The following FAM118A variants were observed in gnomAD, a reference collection of about 807,000 sequenced individuals.
The protein encoded by FAM118A is SIR2 antiphage like 2.
A neutral mutation model predicts 38.2 loss-of-function variants in FAM118A; 25 were observed. The ratio of observed to expected loss-of-function variants is 0.65; its 90% CI spans 0.48 to 0.91. FAM118A has a LOEUF of 0.91. FAM118A is among the 40% of genes least tolerant of loss of function. FAM118A has a pLI of 0.00. For synonymous variants in FAM118A, 178 were observed against 184.1 expected (o/e 0.97, Z 0.27); for missense variants, 425 against 463.3 (o/e 0.92, Z 0.76).
intron 7 of FAM118A, 130 bp downstream of exon 7, chr22:45,335,512 C>A: frequency 9.7e-7 from 1 of 1,034,840 alleles, no homozygotes; most frequent in South Asian, 1.5e-5. Flanking sequence ...AACAGCCCCA[C>A]TGAAGATGAT....
rs1371471395 is a variant in FAM118A, at chr22:45,327,848, G to A, written c.307G>A (p.Gly103Ser). Residue 103 changes from glycine (G) to serine (S), a missense_variant, in exon 4 of 9, where the codon GGC becomes AGC. Transcript: ENST00000441876. ...DLIRKMSPRTGDAKPSFFQDC... is the reference protein window; with the variant it reads ...DLIRKMSPRTSDAKPSFFQDC... ...TCGTTCCACCTTTTTGTAGCGCACAGGCGATGCCAAGCCCAGCTTCTTCCA... is the reference window on the plus strand; with the variant it reads ...TCGTTCCACCTTTTTGTAGCGCACAAGCGATGCCAAGCCCAGCTTCTTCCA... 6.2e-7 allele frequency: 1 copy of A among 1,614,212 alleles called. No homozygotes were observed. The highest frequency in any genetic ancestry group is 2.2e-5 in the East Asian group (1 of 44,892).
chr22:45,310,465 A>G (rs2084313498), intron 1 of FAM118A, among the ~76,000 whole-genome samples: 1 of 151,784 alleles, frequency 6.6e-6, no homozygotes, highest in African/African-American at 2.4e-5. Flanking sequence ...TTCCCTTGGG[A>G]CTTGCTTCCA....
intron 1 of FAM118A, among the ~76,000 whole-genome samples, chr22:45,312,244 G>A (rs748885118): frequency 6.6e-5 from 10 of 152,180 alleles, no homozygotes; most frequent in Non-Finnish European, 1.5e-4. Flanking sequence ...CCTGGAGATA[G>A]CATCAAATCT....
chr22:45,338,877 C>G (rs983090381), intron 8 of FAM118A, among the ~76,000 whole-genome samples: 7 of 152,164 alleles, frequency 4.6e-5, no homozygotes, highest in Admixed American at 2.6e-4. Flanking sequence ...TGCAATAGTC[C>G]ATGTTATAAA....
At chr22:45,328,741 G>C in intron 4 of FAM118A, 1 of 467,634 alleles carries the variant, frequency 2.1e-6, no homozygotes, top group South Asian at 2.7e-5. Context: ...TGAGATCACT[G>C]TACTCCAGCC....
chr22:45,309,501 G>A (rs1477889136), upstream of FAM118A: 1 of 152,438 alleles, frequency 6.6e-6, no homozygotes, highest in African/African-American at 2.4e-5. Flanking sequence ...TCAGGTCTGG[G>A]TTGGGGACAG....
chr22:45,326,871 TG>T (rs2085310720), intron 3 of FAM118A, among the ~76,000 whole-genome samples: 1 of 21,292 alleles, frequency 4.7e-5, no homozygotes, highest in Admixed American at 4.6e-4. Flanking sequence ...CTAGGTGTTA[TG>T]GTGTGTGTGC....
intron 8 of FAM118A, chr22:45,338,007 T>C: frequency 1.9e-6 from 1 of 518,022 alleles, no homozygotes; most frequent in Non-Finnish European, 2.5e-6. Flanking sequence ...TTTAGGATCC[T>C]CTTTTCCCTT....
At chr22:45,339,717 T>C (rs1254403884) in intron 8 of FAM118A, among the ~76,000 whole-genome samples, 1 of 152,230 alleles carries the variant, frequency 6.6e-6, no homozygotes, top group Non-Finnish European at 1.5e-5. Flanking sequence ...GCGATTATTC[T>C]CAATAGATTG....
intron 8 of FAM118A, chr22:45,337,929 GA>G: frequency 2.0e-6 from 2 of 982,608 alleles, no homozygotes; most frequent in Non-Finnish European, 1.2e-6. Context: ...GGTTTCCTAT[GA>G]AGAGGGTCTG....
chr22:45,310,595 C>G (rs1270026968), intron 1 of FAM118A, among the ~76,000 whole-genome samples: 1 of 152,146 alleles, frequency 6.6e-6, no homozygotes, highest in African/African-American at 2.4e-5. Context: ...GCTCCCTCTC[C>G]GACCTGATCT....
At chr22:45,320,410 C>G (rs767656963) in intron 1 of FAM118A, among the ~76,000 whole-genome samples, 13 of 139,638 alleles carry the variant, frequency 9.3e-5, no homozygotes, top group Non-Finnish European at 1.7e-4. Context: ...CGTAATTTTT[C>G]TTTTTCTTTT....
At chr22:45,326,481 A>G (rs2085273100) in intron 3 of FAM118A, among the ~76,000 whole-genome samples, 1 of 152,176 alleles carries the variant, frequency 6.6e-6, no homozygotes, top group African/African-American at 2.4e-5. Flanking sequence ...TGAGGGCAGG[A>G]GTTCAAGATA....
chr22:45,323,067 G>T (rs772585311), intron 2 of FAM118A, 108 bp from the exon 3 acceptor site: 19 of 1,127,892 alleles, frequency 1.7e-5, no homozygotes, highest in Non-Finnish European at 2.3e-5. Flanking sequence ...GTGTGTGTGT[G>T]TGTGTGTGTA....
intron 3 of FAM118A, among the ~76,000 whole-genome samples, chr22:45,324,065 T>C (rs1781594245): frequency 6.6e-6 from 1 of 152,180 alleles, no homozygotes; most frequent in South Asian, 2.1e-4. Flanking sequence ...TCTGCTCTTG[T>C]ATTTACTGAA....
intron 1 of FAM118A, among the ~76,000 whole-genome samples, chr22:45,317,515 TAC>T (rs1421951688): frequency 6.6e-6 from 1 of 152,212 alleles, no homozygotes; most frequent in Non-Finnish European, 1.5e-5. Context: ...GTTTTTTTGT[TAC>T]ACCACTTTTA....
At chr22:45,330,125 C>G (rs2085598927) in intron 4 of FAM118A, among the ~76,000 whole-genome samples, 1 of 152,168 alleles carries the variant, frequency 6.6e-6, no homozygotes, top group Non-Finnish European at 1.5e-5. Context: ...CCATAGCCCA[C>G]CTAAAGTAAT....
intron 8 of FAM118A, among the ~76,000 whole-genome samples, chr22:45,337,051 C>CCCT (rs1441543312): frequency 6.6e-6 from 1 of 152,190 alleles, no homozygotes; most frequent in East Asian, 1.9e-4. Flanking sequence ...CCCTCTCCTC[C>CCCT]CCTCCTCCTC....
intron 6 of FAM118A, among the ~76,000 whole-genome samples, chr22:45,333,748 G>A (rs145420867): frequency 0.011 from 1,740 of 152,214 alleles, 28 homozygotes; most frequent in East Asian, 0.041. Context: ...GGCTCAGGTG[G>A]GGGGATTGCT....
Sources: allele counts gnomAD v4.1 joint callset (sites outside exome capture counted in the v4.1 genomes callset), GRCh38; gene constraint gnomAD v4.1.1; transcripts MANE v1.5; gene names NCBI Gene and HGNC (gene_info 2026-07-23, HGNC 2026-07-21).